The following KSR2 variants were observed in gnomAD, a reference collection of about 807,000 sequenced individuals.
KSR2 encodes kinase suppressor of ras 2.
Under a neutral mutation model 107.8 loss-of-function variants are expected in KSR2, and 25 were observed. That is an observed-to-expected ratio of 0.23 (90% CI 0.17 to 0.32). The LOEUF is 0.32. Among genes scored for constraint, KSR2 ranks in the 10% least tolerant of loss-of-function variants. The probability of loss-of-function intolerance (pLI) is 1.00; values close to 1 mark genes in which losing one functional copy is unlikely to be tolerated. For synonymous variants in KSR2, 480 were observed against 507.0 expected (o/e 0.95, Z 0.71); for missense variants, 887 against 1,268.9 (o/e 0.70, Z 4.57).
At chr12:117,601,306 G>T (rs1237355478) in intron 5 of KSR2, among the ~76,000 whole-genome samples, 1 of 139,044 alleles carries the variant, frequency 7.2e-6, no homozygotes, top group East Asian at 2.2e-4. Flanking sequence ...GGGGGGGGGG[G>T]TACCTAATTA....
At chr12:117,778,612 C>T (rs1407727707) in intron 3 of KSR2, among the ~76,000 whole-genome samples, 2 of 152,324 alleles carry the variant, frequency 1.3e-5, no homozygotes, top group East Asian at 1.9e-4. Context: ...CCTGCCTCTT[C>T]TGGCTCTGCA....
At chr12:117,724,650 G>T (rs1034431351) in intron 4 of KSR2, among the ~76,000 whole-genome samples, 12 of 151,892 alleles carry the variant, frequency 7.9e-5, no homozygotes, top group Admixed American at 6.6e-5. Context: ...CAGGCAGGGG[G>T]TCTGTGCAAT....
intron 5 of KSR2, among the ~76,000 whole-genome samples, chr12:117,596,535 G>A (rs1365874739): frequency 6.6e-6 from 1 of 152,132 alleles, no homozygotes; most frequent in Non-Finnish European, 1.5e-5. Context: ...CACAGTGTCA[G>A]GGCCTTTTCA....
At chr12:117,865,440 T>C (rs892452819) in intron 1 of KSR2, among the ~76,000 whole-genome samples, 3 of 152,234 alleles carry the variant, frequency 2.0e-5, no homozygotes, top group African/African-American at 7.2e-5. Context: ...TATGTATGCC[T>C]ATGTTGTATT....
intron 3 of KSR2, among the ~76,000 whole-genome samples, chr12:117,848,337 G>C (rs1230838953): frequency 6.6e-6 from 1 of 152,226 alleles, no homozygotes; most frequent in Non-Finnish European, 1.5e-5. Flanking sequence ...CTCAGACGCT[G>C]AAGTTCCCAG....
At chr12:117,675,947 G>A (rs955049047) in intron 4 of KSR2, among the ~76,000 whole-genome samples, 2 of 152,196 alleles carry the variant, frequency 1.3e-5, no homozygotes, top group Non-Finnish European at 2.9e-5. Context: ...ATGCCCAGTG[G>A]TCTTACACAG....
chr12:117,580,674 A>T (rs1879595906), intron 6 of KSR2, among the ~76,000 whole-genome samples: 3 of 152,234 alleles, frequency 2.0e-5, no homozygotes, highest in African/African-American at 7.2e-5. Context: ...GGTCATCCCA[A>T]GTCTCAGCTC....
chr12:117,868,466 T>A (rs1893548900), intron 1 of KSR2, among the ~76,000 whole-genome samples: 1 of 151,442 alleles, frequency 6.6e-6, no homozygotes, highest in African/African-American at 2.4e-5. Context: ...AAAATAAAAG[T>A]ACCGTTACTG....
intron 3 of KSR2, among the ~76,000 whole-genome samples, chr12:117,838,180 GT>G (rs1892317648): frequency 6.6e-6 from 1 of 152,188 alleles, no homozygotes; most frequent in Non-Finnish European, 1.5e-5. Flanking sequence ...TTTGGGTTGG[GT>G]TTTTGAGACG....
intron 3 of KSR2, among the ~76,000 whole-genome samples, chr12:117,853,175 C>T (rs1044187381): frequency 6.6e-6 from 1 of 152,028 alleles, no homozygotes; most frequent in African/African-American, 2.4e-5. Context: ...ACGGGGGTCC[C>T]CAAAGATAAC....
intron 4 of KSR2, among the ~76,000 whole-genome samples, chr12:117,740,867 A>G (rs1888194432): frequency 6.6e-6 from 1 of 152,104 alleles, no homozygotes; most frequent in African/African-American, 2.4e-5. Flanking sequence ...TACCAGCTCA[A>G]TGCAAACACT....
chr12:117,890,371 C>T (rs1019575732), intron 1 of KSR2, among the ~76,000 whole-genome samples: 6 of 152,188 alleles, frequency 3.9e-5, no homozygotes, highest in African/African-American at 1.4e-4. Context: ...GCCACATGTC[C>T]ACAGAGCACC....
At chr12:117,547,123 CTT>C (rs541933036) in intron 9 of KSR2, among the ~76,000 whole-genome samples, 1 of 152,278 alleles carries the variant, frequency 6.6e-6, no homozygotes, top group African/African-American at 2.4e-5. Context: ...ATTTAAACCT[CTT>C]GTTTTTGCTG....
In KSR2 at chr12:117,845,431, C is replaced by A. The variant is rs528301035; in HGVS notation, c.472+9997G>T. On this transcript the variant is annotated intron_variant, in intron 3 of 19. Transcript: ENST00000339824. ...TCCTGTCTGATGCTTTCTTGTCATT[C>A]AAGTCTCAGCTTAAATGTCATCTCC... Among the ~76,000 whole-genome samples the A allele has an allele frequency of 6.6e-5, 10 of 152,298 alleles. No individual in the cohort carries two copies. The East Asian group carries it at 1.9e-3, about 29-fold the overall frequency.
chr12:117,770,976 CAA>C (rs61641342), intron 3 of KSR2, among the ~76,000 whole-genome samples: 6 of 66,218 alleles, frequency 9.1e-5, no homozygotes, highest in Admixed American at 3.3e-4. Context: ...GACTCCGTCT[CAA>C]AAAAAAAAAA....
chr12:117,733,641 C>T (rs956686493), intron 4 of KSR2, among the ~76,000 whole-genome samples: 19 of 152,164 alleles, frequency 1.2e-4, no homozygotes, highest in African/African-American at 4.6e-4. Context: ...GAAAATTTGC[C>T]AGCCCCTGTC....
intron 1 of KSR2, among the ~76,000 whole-genome samples, chr12:117,894,629 G>T (rs61945381): frequency 0.32 from 48,345 of 151,306 alleles, 8,978 homozygotes; most frequent in East Asian, 0.87. Context: ...AATCATGGGA[G>T]CAGACTTCCC....
At position 117,456,753 on chromosome 12, in the gene KSR2, C is replaced by G. The variant is rs1048536000; in HGVS notation, c.*10446G>C. On this transcript the variant is annotated 3_prime_UTR_variant, in exon 20 of 20. Coordinates refer to ENST00000339824, the MANE Select transcript of KSR2 (RefSeq NM_173598.6). Reference sequence around the variant, plus strand: ...GATTCTAGGGGTAAAACAGCTGGACCTACAGAGGCCATCCTCACCCACTGC... The same window carrying G: ...GATTCTAGGGGTAAAACAGCTGGACGTACAGAGGCCATCCTCACCCACTGC... 5 of 152,242 alleles carry G rather than the reference C, an allele frequency of 3.3e-5. No homozygotes were observed. Among genetic ancestry groups the G allele is most frequent in the Non-Finnish European group, 7.3e-5 (5 of 68,104 alleles). 9.4% of individuals were successfully genotyped at this position (152,242 alleles called of 1,614,324 possible).
intron 9 of KSR2, among the ~76,000 whole-genome samples, chr12:117,554,913 T>G (rs1877551293): frequency 6.6e-6 from 1 of 152,176 alleles, no homozygotes; most frequent in Admixed American, 6.5e-5. Context: ...CTCCCATCCG[T>G]TGTGCCTTCC....
Sources: allele counts gnomAD v4.1 joint callset (sites outside exome capture counted in the v4.1 genomes callset), GRCh38; gene constraint gnomAD v4.1.1; transcripts MANE v1.5; gene names NCBI Gene and HGNC (gene_info 2026-07-23, HGNC 2026-07-21).